SYNE1: variants seen among roughly 807,000 people sequenced by gnomAD.
The protein encoded by SYNE1 is nesprin-1.
Under a neutral mutation model 1,111.0 loss-of-function variants are expected in SYNE1, and 616 were observed. That is an observed-to-expected ratio of 0.55 (90% CI 0.52 to 0.59). SYNE1 has a LOEUF of 0.59. Ranked by LOEUF, SYNE1 falls within the 20% of genes least tolerant of loss-of-function variation. The probability of loss-of-function intolerance (pLI) is 0.00; values close to 1 mark genes in which losing one functional copy is unlikely to be tolerated. For missense variants in SYNE1, 10,006 were observed against 10,417.0 expected (o/e 0.96, Z 1.72); for synonymous variants, 3,855 against 3,825.8 (o/e 1.01, Z -0.28).
chr6:152,454,137 T>TG (rs1050352925), intron 24 of SYNE1, among the ~76,000 whole-genome samples: 5 of 152,302 alleles, frequency 3.3e-5, no homozygotes, highest in Admixed American at 3.3e-4. Context: ...CTTCAGGGCC[T>TG]GATGCTTCAT....
In SYNE1 at chr6:152,362,201, C is replaced by G; in HGVS notation, c.10268G>C (p.Arg3423Pro). The G allele has an allele frequency of 6.2e-7, 1 of 1,614,192 alleles. No individual in the cohort carries two copies. Among genetic ancestry groups the G allele is most frequent in the East Asian group, 2.2e-5 (1 of 44,888 alleles). Residue 3423 changes from arginine to proline, a missense_variant, in exon 64 of 146, where the codon CGG (arginine) becomes CCG (proline). Physicochemically the swap from Arg to Pro is moderately radical, Grantham distance 103. Around this residue, in one of 7 missense-constraint regions of SYNE1, gnomAD observed 4,955 missense variants for 5,017.2 expected, o/e 0.99. Transcript: ENST00000367255. ...TTTTCCGAGCATCGTTGTTTTATCCCGCAGCTCCGCATGCTGCCTTTCTGA... is the reference window on the plus strand; with the variant it reads ...TTTTCCGAGCATCGTTGTTTTATCCGGCAGCTCCGCATGCTGCCTTTCTGA... ...NESERQHAEL[R>P]DKTTMLGKAK... is the part of the protein sequence containing the mutation.
intron 77 of SYNE1, 81 bp downstream of exon 77, chr6:152,333,927 C>G: frequency 6.3e-7 from 1 of 1,596,194 alleles, no homozygotes; most frequent in South Asian, 1.1e-5. Context: ...GCCACTGCAC[C>G]TGGGCACATT....
intron 135 of SYNE1, among the ~76,000 whole-genome samples, chr6:152,150,685 T>C (rs2060254931): frequency 6.6e-6 from 1 of 152,226 alleles, no homozygotes; most frequent in Non-Finnish European, 1.5e-5. Context: ...ACTCCCACTT[T>C]TAGGAAATCC....
At chr6:152,619,001 A>T (rs1160315548) in intron 3 of SYNE1, among the ~76,000 whole-genome samples, 1 of 152,078 alleles carries the variant, frequency 6.6e-6, no homozygotes, top group African/African-American at 2.4e-5. Context: ...ATTAAACTAC[A>T]GACTGTCATA....
intron 51 of SYNE1, among the ~76,000 whole-genome samples, chr6:152,394,245 G>T (rs1461902799): frequency 1.3e-5 from 2 of 152,168 alleles, no homozygotes; most frequent in Non-Finnish European, 2.9e-5. Context: ...ATTTGGGTTG[G>T]TTCCAAGTCT....
rs992147994 is a variant in SYNE1, at chr6:152,416,738, T to C, written c.5699A>G (p.Asn1900Ser). The C allele has an allele frequency of 1.9e-6, 3 of 1,614,124 alleles. No homozygotes were observed. The African/African-American group carries it at 4.0e-5, about 22-fold the overall frequency. The change falls in exon 41 of 146, where the codon AAC becomes AGC. Residue 1900 changes from asparagine (N) to serine (S), a missense_variant. Around this residue, in one of 7 missense-constraint regions of SYNE1, gnomAD observed 4,955 missense variants for 5,017.2 expected, o/e 0.99. Transcript: ENST00000367255. ...TVEATNSMNK[N>S]ESDLIEKDLN... ...GTCCTTTTCTATCAAATCAGACTCG[T>C]TCTTATTCATACTGTTGGTTGCTTC...
intron 56 of SYNE1, among the ~76,000 whole-genome samples, chr6:152,379,706 A>G (rs1383676501): frequency 1.3e-5 from 2 of 152,248 alleles, no homozygotes; most frequent in Admixed American, 1.3e-4. Context: ...GGAAGCAGAC[A>G]TACACAGAGG....
chr6:152,350,492 T>C (rs1277477719), intron 71 of SYNE1, 126 bp downstream of exon 71: 11 of 1,472,638 alleles, frequency 7.5e-6, no homozygotes, highest in Non-Finnish European at 1.0e-5. Context: ...GCCAATTAAA[T>C]ATCCATCTGA....
At chr6:152,153,396 C>T (rs1012359783) in intron 133 of SYNE1, among the ~76,000 whole-genome samples, 1 of 152,134 alleles carries the variant, frequency 6.6e-6, no homozygotes, top group African/African-American at 2.4e-5. Context: ...CTAAAGACTG[C>T]CCCCAAGCAC....
At chr6:152,466,113 A>T in intron 16 of SYNE1, 35 bp from the exon 17 acceptor site, 1 of 1,373,176 alleles carries the variant, frequency 7.3e-7, no homozygotes, top group Non-Finnish European at 1.0e-6. Context: ...GATAGCAAAC[A>T]TTAGGCTCAT....
chr6:152,193,876 G>T (rs1377035348), intron 127 of SYNE1, among the ~76,000 whole-genome samples: 2 of 151,870 alleles, frequency 1.3e-5, no homozygotes, highest in Admixed American at 1.3e-4. Flanking sequence ...AGCCGGGCGT[G>T]GTGGTGGGTG....
intron 145 of SYNE1, chr6:152,128,938 G>GT (rs1276876542): frequency 6.6e-6 from 1 of 152,258 alleles, no homozygotes; most frequent in Admixed American, 6.5e-5. Context: ...CTGTGAAGGT[G>GT]TTGGATGACG....
intron 127 of SYNE1, among the ~76,000 whole-genome samples, chr6:152,195,340 C>A (rs1391818009): frequency 6.6e-6 from 1 of 152,206 alleles, no homozygotes; most frequent in Non-Finnish European, 1.5e-5. Flanking sequence ...CCTGAATGGT[C>A]TTGATGCTTG....
At chr6:152,162,035 T>A (rs1223321324) in intron 131 of SYNE1, among the ~76,000 whole-genome samples, 1 of 152,170 alleles carries the variant, frequency 6.6e-6, no homozygotes, top group Non-Finnish European at 1.5e-5. Context: ...TCCCTCTGGT[T>A]TGCTTTCTCC....
intron 42 of SYNE1, 91 bp downstream of exon 42, chr6:152,413,259 ACT>A (rs1563826928): frequency 3.2e-5 from 41 of 1,282,350 alleles, no homozygotes; most frequent in Non-Finnish European, 4.0e-5. Flanking sequence ...AAGATATTTA[ACT>A]ACTGATCACA....
chr6:152,422,505 T>C (rs937035767), intron 39 of SYNE1, among the ~76,000 whole-genome samples: 3 of 152,222 alleles, frequency 2.0e-5, no homozygotes. Flanking sequence ...GCCTTTTTTT[T>C]TCTTTTTATT....
chr6:152,321,515 T>C (rs1475674486), intron 83 of SYNE1, 125 bp from the exon 84 acceptor site: 12 of 1,318,162 alleles, frequency 9.1e-6, no homozygotes, highest in Non-Finnish European at 1.1e-5. Flanking sequence ...TAATACAACA[T>C]TGTTCTTTTG....
chr6:152,318,464 T>C, intron 85 of SYNE1: 1 of 637,784 alleles, frequency 1.6e-6, no homozygotes, highest in Non-Finnish European at 2.7e-6. Context: ...TTATTTCCTA[T>C]GAGGCTGAGT....
chr6:152,168,962 A>C (rs2064388277), intron 130 of SYNE1, among the ~76,000 whole-genome samples: 2 of 152,166 alleles, frequency 1.3e-5, no homozygotes, highest in South Asian at 4.1e-4. Flanking sequence ...GTGAATTTCA[A>C]GAGTTTCCAA....
Sources: allele counts gnomAD v4.1 joint callset (sites outside exome capture counted in the v4.1 genomes callset), GRCh38; gene constraint gnomAD v4.1.1; regional missense constraint gnomAD v4.1.1; transcripts MANE v1.5; gene names NCBI Gene and HGNC (gene_info 2026-07-23, HGNC 2026-07-21).